The following SLC17A8 variants were observed in gnomAD, a reference collection of about 807,000 sequenced individuals.
The protein encoded by SLC17A8 is solute carrier family 17 member 8.
In SLC17A8, 31 loss-of-function variants were observed where a neutral mutation model predicts 58.0. The observed-to-expected ratio is 0.53, with a 90% CI of 0.40 to 0.72. The LOEUF is 0.72. Among genes scored for constraint, SLC17A8 ranks in the 30% least tolerant of loss-of-function variants. SLC17A8 has a pLI of 0.00. For missense variants in SLC17A8, 655 were observed against 727.8 expected (o/e 0.90, Z 1.15); for synonymous variants, 228 against 249.0 (o/e 0.92, Z 0.79).
rs1000754937 is a variant in SLC17A8, at chr12:100,421,667, T to TG, written c.*1508_*1509insG. ...CTTATTATTGTAAAGTGTTTTTTTT[T>TG]TTTTTTTTTTTTTCTAATTTCTCCC... On this transcript the variant is annotated 3_prime_UTR_variant, in exon 12 of 12. Transcript: ENST00000323346. 3.4e-4 allele frequency: 28 copies of TG among 83,088 alleles called. No homozygotes were observed. The highest frequency in any genetic ancestry group is 2.3e-4 in the Non-Finnish European group (6 of 26,362). 5.1% of individuals were successfully genotyped at this position (83,088 alleles called of 1,614,324 possible). A position where few individuals can be genotyped will look rare whatever the true frequency, so the allele number is the denominator to read the frequency against.
intron 1 of SLC17A8, among the ~76,000 whole-genome samples, chr12:100,358,864 G>T (rs886178953): frequency 6.6e-6 from 1 of 152,144 alleles, no homozygotes; most frequent in Non-Finnish European, 1.5e-5. Context: ...ACCATAGGCC[G>T]GGCGCAGTGG....
intron 1 of SLC17A8, among the ~76,000 whole-genome samples, chr12:100,374,855 C>A (rs556789457): frequency 6.6e-6 from 1 of 152,104 alleles, no homozygotes. Context: ...GCTCAGACCC[C>A]TCCCCACAGC....
chr12:100,419,842 C>T lies in SLC17A8; in HGVS notation c.1453C>T (p.Leu485Phe), dbSNP rs375491794. 6.2e-7 allele frequency: 1 copy of T among 1,613,780 alleles called. No individual in the cohort carries two copies. Among genetic ancestry groups the T allele is most frequent in the Non-Finnish European group, 8.5e-7 (1 of 1,180,026 alleles). ...KTREEWQNVF[L>F]IAALVHYSGV... ...CCGTGAAGAATGGCAGAATGTGTTC[C>T]TCATAGCTGCCCTGGTGCATTACAG... The change falls in exon 12 of 12, where the codon CTC becomes TTC. Residue 485 changes from leucine to phenylalanine, a missense_variant. Transcript: ENST00000323346.
At chr12:100,383,797 G>C (rs1226703863) in intron 2 of SLC17A8, among the ~76,000 whole-genome samples, 1 of 151,246 alleles carries the variant, frequency 6.6e-6, no homozygotes, top group East Asian at 1.9e-4. Context: ...TTGACCTCCT[G>C]GGCTTAAGTG....
chr12:100,379,334 T>C (rs1267927932), intron 1 of SLC17A8, among the ~76,000 whole-genome samples: 1 of 151,126 alleles, frequency 6.6e-6, no homozygotes, highest in East Asian at 2.0e-4. Flanking sequence ...ACTCAGGAAG[T>C]TGAGGCAGGA....
chr12:100,363,520 C>A (rs1031378290), intron 1 of SLC17A8, among the ~76,000 whole-genome samples: 3 of 152,108 alleles, frequency 2.0e-5, no homozygotes, highest in Non-Finnish European at 2.9e-5. Context: ...GCACCCACCA[C>A]CATGCCCGGC....
chr12:100,396,507 G>A, intron 5 of SLC17A8, 90 bp downstream of exon 5: 1 of 975,492 alleles, frequency 1.0e-6, no homozygotes, highest in East Asian at 2.6e-5. Context: ...CAGCACTTTA[G>A]GGAGGCCGAG....
At chr12:100,359,687 T>A (rs891722476) in intron 1 of SLC17A8, among the ~76,000 whole-genome samples, 1 of 152,198 alleles carries the variant, frequency 6.6e-6, no homozygotes, top group Non-Finnish European at 1.5e-5. Context: ...GTGATCCAAG[T>A]TGATCCTCAG....
intron 9 of SLC17A8, among the ~76,000 whole-genome samples, chr12:100,409,768 A>G (rs943336745): frequency 6.6e-6 from 1 of 152,188 alleles, no homozygotes; most frequent in Admixed American, 6.5e-5. Flanking sequence ...TAAAGAAACA[A>G]TGTGTGAAAA....
intron 9 of SLC17A8, among the ~76,000 whole-genome samples, chr12:100,412,224 G>A (rs1376258148): frequency 6.6e-6 from 1 of 152,154 alleles, no homozygotes; most frequent in African/African-American, 2.4e-5. Flanking sequence ...TAGAAAGTTT[G>A]TGAACACCCA....
At chr12:100,403,264 G>A (rs1042299538) in intron 8 of SLC17A8, among the ~76,000 whole-genome samples, 8 of 149,592 alleles carry the variant, frequency 5.3e-5, no homozygotes, top group Non-Finnish European at 1.0e-4. Flanking sequence ...ATCACCTGAG[G>A]TTAGGACCAG....
intron 1 of SLC17A8, among the ~76,000 whole-genome samples, chr12:100,360,951 T>A (rs1402748928): frequency 2.0e-5 from 3 of 152,216 alleles, no homozygotes; most frequent in Non-Finnish European, 2.9e-5. Flanking sequence ...TATGTCTATC[T>A]TCCCTTTAAA....
In SLC17A8 at chr12:100,401,882, C is replaced by G. The variant is rs1384092582; in HGVS notation, c.763+19C>G. ...ATTTATGGTGAGTGATTTGACTTCA[C>G]AAGTTCACATGTGACTCATAGAGAT... On this transcript the variant is annotated intron_variant, in intron 6 of 11. Coordinates refer to ENST00000323346, the MANE Select transcript of SLC17A8 (RefSeq NM_139319.3). 2 of 1,593,516 alleles carry G rather than the reference C, an allele frequency of 1.3e-6. No homozygotes were observed. Among genetic ancestry groups the G allele is most frequent in the African/African-American group, 2.7e-5 (2 of 74,476 alleles).
At chr12:100,384,472 G>T (rs148265681) in intron 2 of SLC17A8, among the ~76,000 whole-genome samples, 1 of 152,082 alleles carries the variant, frequency 6.6e-6, no homozygotes, top group African/African-American at 2.4e-5. Context: ...ACATGGTGGC[G>T]CACACCTGTA....
Position 100,421,755 on chromosome 12 carries a change from T to A in SLC17A8, c.*1596T>A, listed in dbSNP as rs1193556855. On this transcript the variant is annotated 3_prime_UTR_variant, in exon 12 of 12. Transcript: ENST00000323346. ...GTAGTGTATTTTATAAATGGAATAA[T>A]CTTGGGGAAAAATTGCGATTCTTCA... is the stretch of plus-strand genomic sequence containing the variant. 6.9e-6 allele frequency: 1 copy of A among 144,750 alleles called. No homozygotes were observed. The highest frequency in any genetic ancestry group is 2.3e-4 in the East Asian group (1 of 4,406). 9.0% of individuals were successfully genotyped at this position (144,750 alleles called of 1,614,324 possible).
intron 10 of SLC17A8, among the ~76,000 whole-genome samples, chr12:100,413,496 C>T (rs1056596816): frequency 2.6e-5 from 4 of 152,264 alleles, no homozygotes; most frequent in South Asian, 4.1e-4. Flanking sequence ...ATATTAAGCC[C>T]TGTCTCTCTC....
chr12:100,393,487 G>A lies in SLC17A8; in HGVS notation c.588+4G>A. On this transcript the variant is annotated splice_donor_region_variant and intron_variant, in intron 4 of 11. Transcript: ENST00000323346. Reference sequence around the variant, plus strand: ...AATTCTGCAAGGTTTAGTGGAGGTAGGAGATACTTTCCTTACAGTTTTTGA... The same window carrying A: ...AATTCTGCAAGGTTTAGTGGAGGTAAGAGATACTTTCCTTACAGTTTTTGA... 2 of 1,601,152 alleles carry A rather than the reference G, an allele frequency of 1.2e-6. No individual in the cohort carries two copies. Among genetic ancestry groups the A allele is most frequent in the Non-Finnish European group, 1.7e-6 (2 of 1,168,548 alleles).
intron 1 of SLC17A8, 91 bp downstream of exon 1, chr12:100,357,583 C>G: frequency 1.2e-6 from 1 of 859,248 alleles, no homozygotes; most frequent in Non-Finnish European, 2.0e-6. Context: ...TAAAACCACA[C>G]TTTAATGAGG....
intron 11 of SLC17A8, among the ~76,000 whole-genome samples, chr12:100,418,788 A>T (rs1271750475): frequency 6.6e-6 from 1 of 152,088 alleles, no homozygotes; most frequent in Non-Finnish European, 1.5e-5. Context: ...TCCCCCATCT[A>T]TTTTCTTAGT....
Sources: allele counts gnomAD v4.1 joint callset (sites outside exome capture counted in the v4.1 genomes callset), GRCh38; gene constraint gnomAD v4.1.1; transcripts MANE v1.5; gene names NCBI Gene and HGNC (gene_info 2026-07-23, HGNC 2026-07-21).